Variants in CSMD3 observed in about 807,000 individuals in gnomAD.
CSMD3 encodes the protein CUB and sushi domain-containing protein 3.
In CSMD3, 177 loss-of-function variants were observed where a neutral mutation model predicts 435.2. The ratio of observed to expected loss-of-function variants is 0.41; its 90% CI spans 0.36 to 0.46. The LOEUF (loss-of-function observed/expected upper bound fraction) is 0.46, where lower values mean the gene tolerates loss of function less well. Ranked by LOEUF, CSMD3 falls within the 20% of genes least tolerant of loss-of-function variation. CSMD3 has a pLI of 0.34. For synonymous variants in CSMD3, 1,656 were observed against 1,520.5 expected (o/e 1.09, Z -2.07); for missense variants, 4,265 against 4,504.6 (o/e 0.95, Z 1.52).
At chr8:112,227,969 G>C (rs1051482633) in intron 70 of CSMD3, among the ~76,000 whole-genome samples, 1 of 152,092 alleles carries the variant, frequency 6.6e-6, no homozygotes, top group South Asian at 2.1e-4. Context: ...GTGAACCTGG[G>C]AGGCAGATGT....
intron 7 of CSMD3, 98 bp downstream of exon 7, chr8:112,975,739 A>T: frequency 6.3e-7 from 1 of 1,584,014 alleles, no homozygotes; most frequent in Non-Finnish European, 8.6e-7. Flanking sequence ...TGCTTTCTAT[A>T]TCTTGGCTCT....
At chr8:113,114,113 C>T (rs959272227) in intron 4 of CSMD3, among the ~76,000 whole-genome samples, 2 of 151,766 alleles carry the variant, frequency 1.3e-5, no homozygotes, top group Non-Finnish European at 2.9e-5. Flanking sequence ...TAGACAGGTA[C>T]AATAATAATC....
At chr8:112,939,166 A>G (rs1311860008) in intron 9 of CSMD3, among the ~76,000 whole-genome samples, 1 of 152,112 alleles carries the variant, frequency 6.6e-6, no homozygotes, top group Non-Finnish European at 1.5e-5. Flanking sequence ...GAATAAATAG[A>G]AGATAATTGC....
At chr8:112,557,335 G>A (rs1327507815) in intron 24 of CSMD3, among the ~76,000 whole-genome samples, 1 of 151,822 alleles carries the variant, frequency 6.6e-6, no homozygotes, top group Non-Finnish European at 1.5e-5. Context: ...AAAAGTCTTG[G>A]AATTTCTTGA....
At chr8:113,429,446 T>C (rs531536097) in intron 1 of CSMD3, among the ~76,000 whole-genome samples, 3 of 152,120 alleles carry the variant, frequency 2.0e-5, no homozygotes, top group Admixed American at 6.6e-5. Flanking sequence ...CTCAATGCTC[T>C]TTTGAGACAT....
chr8:113,120,620 T>C (rs1237271978), intron 4 of CSMD3, among the ~76,000 whole-genome samples: 2 of 152,190 alleles, frequency 1.3e-5, no homozygotes, highest in Non-Finnish European at 2.9e-5. Context: ...CAGGTTCTAC[T>C]ACAACAAAAC....
At chr8:112,490,249 C>T (rs980784680) in intron 31 of CSMD3, among the ~76,000 whole-genome samples, 15 of 152,208 alleles carry the variant, frequency 9.9e-5, no homozygotes, top group African/African-American at 2.9e-4. Context: ...ATTTAAAAGT[C>T]AAGACTCAGC....
chr8:112,373,022 A>T (rs201794516), intron 38 of CSMD3, among the ~76,000 whole-genome samples: 8,686 of 138,286 alleles, frequency 0.063, 431 homozygotes, highest in East Asian at 0.16. Context: ...ATATATATAT[A>T]TTTTTTTTCT....
rs1461422465 is a variant in CSMD3 at position 112,553,624 on chromosome 8, T to C, written c.4235-904A>G. The stretch of plus-strand genomic sequence containing the variant: ...CCCCTTATGGCTTTCCCAGCTCTGT[T>C]TGTCAGAGTTTTTAAAACAAGTGAC... On this transcript the variant is annotated intron_variant, in intron 25 of 70. Transcript: ENST00000297405. Among the ~76,000 whole-genome samples, 6 of 152,056 alleles carry C rather than the reference T, an allele frequency of 3.9e-5. No individual in the cohort carries two copies. In the East Asian group the frequency reaches 1.2e-3, roughly 29 times the overall value.
intron 38 of CSMD3, among the ~76,000 whole-genome samples, chr8:112,370,085 T>A (rs74853441): frequency 0.14 from 14,600 of 106,776 alleles, 1,298 homozygotes; most frequent in East Asian, 0.25. Flanking sequence ...GAAGAAGAAG[T>A]AGTAGTAGTA....
At chr8:112,877,487 C>T (rs561872196) in intron 10 of CSMD3, among the ~76,000 whole-genome samples, 2 of 152,058 alleles carry the variant, frequency 1.3e-5, no homozygotes, top group East Asian at 1.9e-4. Flanking sequence ...AAGCTGGTCT[C>T]GAACTCCTGA....
intron 20 of CSMD3, among the ~76,000 whole-genome samples, chr8:112,641,935 G>A (rs1056135652): frequency 2.0e-5 from 3 of 152,120 alleles, no homozygotes; most frequent in Admixed American, 6.6e-5. Flanking sequence ...TGAGGACCTA[G>A]TATAGACATT....
chr8:113,136,990 T>C (rs1179715407), intron 4 of CSMD3, among the ~76,000 whole-genome samples: 1 of 151,578 alleles, frequency 6.6e-6, no homozygotes, highest in East Asian at 1.9e-4. Context: ...TGTATAGATA[T>C]TGAGAAAGTT....
intron 11 of CSMD3, among the ~76,000 whole-genome samples, chr8:112,838,460 T>C (rs2080090576): frequency 6.6e-6 from 1 of 151,678 alleles, no homozygotes; most frequent in Non-Finnish European, 1.5e-5. Context: ...AGGGCAGGGT[T>C]AGAGAGATTG....
chr8:112,759,300 A>G (rs946435469), intron 13 of CSMD3, among the ~76,000 whole-genome samples: 1 of 152,080 alleles, frequency 6.6e-6, no homozygotes, highest in African/African-American at 2.4e-5. Flanking sequence ...ATCCTAGGAA[A>G]AGCTCTCTGT....
chr8:112,433,654 CAAAAA>C (rs35572894), intron 32 of CSMD3, among the ~76,000 whole-genome samples: 2 of 93,210 alleles, frequency 2.1e-5, no homozygotes, highest in East Asian at 3.2e-4. Flanking sequence ...GAGAACCTGT[CAAAAA>C]AAAAAAAAAA....
chr8:112,274,593 A>C (rs1416935877), intron 59 of CSMD3, among the ~76,000 whole-genome samples: 1 of 152,226 alleles, frequency 6.6e-6, no homozygotes, highest in Non-Finnish European at 1.5e-5. Context: ...CTACCCCAAA[A>C]GATGAGATGT....
chr8:112,278,433 G>A (rs1277446541), intron 59 of CSMD3, among the ~76,000 whole-genome samples: 1 of 152,278 alleles, frequency 6.6e-6, no homozygotes, highest in East Asian at 1.9e-4. Context: ...CCTTCCCAAA[G>A]TGATTCTGAG....
At chr8:112,992,547 G>T (rs1411856334) in intron 6 of CSMD3, among the ~76,000 whole-genome samples, 1 of 151,706 alleles carries the variant, frequency 6.6e-6, no homozygotes, top group Non-Finnish European at 1.5e-5. Flanking sequence ...GAAGATTTGA[G>T]GGCATAACTT....
Sources: allele counts gnomAD v4.1 joint callset (sites outside exome capture counted in the v4.1 genomes callset), GRCh38; gene constraint gnomAD v4.1.1; transcripts MANE v1.5; gene names NCBI Gene and HGNC (gene_info 2026-07-23, HGNC 2026-07-21).